The following SLC24A3 variants were observed in gnomAD, a reference collection of about 807,000 sequenced individuals.
The protein encoded by SLC24A3 is sodium/potassium/calcium exchanger 3.
A neutral mutation model predicts 75.8 loss-of-function variants in SLC24A3; 28 were observed. The ratio of observed to expected loss-of-function variants is 0.37; its 90% CI spans 0.27 to 0.51. SLC24A3 has a LOEUF of 0.51. Ranked by LOEUF, SLC24A3 falls within the 20% of genes least tolerant of loss-of-function variation. The pLI is 0.94. For missense variants in SLC24A3, 663 were observed against 847.8 expected (o/e 0.78, Z 2.71); for synonymous variants, 372 against 334.1 (o/e 1.11, Z -1.24).
intron 6 of SLC24A3, among the ~76,000 whole-genome samples, chr20:19,602,999 G>A (rs927037729): frequency 6.6e-6 from 1 of 152,206 alleles, no homozygotes; most frequent in Admixed American, 6.5e-5. Flanking sequence ...CGGTGCATGT[G>A]GAGTTAAGTC....
At chr20:19,429,318 A>G (rs1987063277) in intron 2 of SLC24A3, among the ~76,000 whole-genome samples, 1 of 152,232 alleles carries the variant, frequency 6.6e-6, no homozygotes, top group African/African-American at 2.4e-5. Flanking sequence ...TCATTTTTGT[A>G]TGCTCAACCT....
chr20:19,457,680 C>G (rs1987602500), intron 2 of SLC24A3, among the ~76,000 whole-genome samples: 1 of 152,138 alleles, frequency 6.6e-6, no homozygotes. Context: ...TCCTGACAGC[C>G]ACAAATCACT....
intron 1 of SLC24A3, among the ~76,000 whole-genome samples, chr20:19,271,330 A>T (rs1056275817): frequency 1.3e-5 from 2 of 151,978 alleles, no homozygotes; most frequent in African/African-American, 4.8e-5. Flanking sequence ...TAAAAAATAA[A>T]AAAAAAAAAA....
chr20:19,714,773 CTTCGAGAT>C (rs1568708967), intron 15 of SLC24A3, among the ~76,000 whole-genome samples: 1 of 152,214 alleles, frequency 6.6e-6, no homozygotes, highest in African/African-American at 2.4e-5. Context: ...CCACACTGTT[CTTCGAGAT>C]TTCATGTGAA....
chr20:19,616,597 G>A (rs1239334274), intron 6 of SLC24A3, among the ~76,000 whole-genome samples: 1 of 152,156 alleles, frequency 6.6e-6, no homozygotes, highest in Non-Finnish European at 1.5e-5. Flanking sequence ...CCAAACAGTA[G>A]GCACTTGGAC....
At chr20:19,519,505 G>A (rs984259201) in intron 3 of SLC24A3, among the ~76,000 whole-genome samples, 1 of 152,136 alleles carries the variant, frequency 6.6e-6, no homozygotes, top group African/African-American at 2.4e-5. Context: ...TTTAAAAAAG[G>A]TTTCTGTTCC....
intron 9 of SLC24A3, among the ~76,000 whole-genome samples, chr20:19,679,555 GA>G: frequency 1.5e-5 from 2 of 134,242 alleles, no homozygotes; most frequent in Admixed American, 1.5e-4. Context: ...GAGGGAGAGG[GA>G]GAGGGAGAGG....
intron 2 of SLC24A3, among the ~76,000 whole-genome samples, chr20:19,337,213 G>T (rs936453552): frequency 2.0e-5 from 3 of 152,196 alleles, no homozygotes; most frequent in African/African-American, 7.2e-5. Context: ...GGGAGGCTGA[G>T]GCGAGCGGAT....
At chr20:19,394,155 T>C (rs1473647574) in intron 2 of SLC24A3, among the ~76,000 whole-genome samples, 2 of 152,148 alleles carry the variant, frequency 1.3e-5, no homozygotes, top group Admixed American at 1.3e-4. Flanking sequence ...GATATCTACA[T>C]GCAAAAGGAT....
At chr20:19,450,612 G>C (rs950832946) in intron 2 of SLC24A3, among the ~76,000 whole-genome samples, 1 of 152,216 alleles carries the variant, frequency 6.6e-6, no homozygotes, top group Admixed American at 6.5e-5. Context: ...AGCTCATAGA[G>C]TGTTTTTGTG....
intron 2 of SLC24A3, among the ~76,000 whole-genome samples, chr20:19,307,764 T>TAAAATA (rs1278107230): frequency 6.6e-6 from 1 of 151,876 alleles, no homozygotes; most frequent in African/African-American, 2.4e-5. Flanking sequence ...GAACTTCAAG[T>TAAAATA]AAAATAAAAA....
At chr20:19,495,998 A>T (rs1013893093) in intron 2 of SLC24A3, among the ~76,000 whole-genome samples, 1 of 152,170 alleles carries the variant, frequency 6.6e-6, no homozygotes. Context: ...ACAGAAGAAC[A>T]TAGAAATGTC....
At chr20:19,348,215 T>C (rs1215867398) in intron 2 of SLC24A3, among the ~76,000 whole-genome samples, 2 of 152,224 alleles carry the variant, frequency 1.3e-5, no homozygotes, top group Non-Finnish European at 2.9e-5. Flanking sequence ...CAATTCTTTA[T>C]GGGCTGGCAA....
chr20:19,712,745 C>A (rs2033004719), intron 15 of SLC24A3, among the ~76,000 whole-genome samples: 1 of 152,088 alleles, frequency 6.6e-6, no homozygotes, highest in African/African-American at 2.4e-5. Context: ...TGGAAGTGGC[C>A]CAGATGTCCA....
intron 2 of SLC24A3, among the ~76,000 whole-genome samples, chr20:19,512,534 T>C (rs1001287595): frequency 6.6e-6 from 1 of 152,210 alleles, no homozygotes; most frequent in African/African-American, 2.4e-5. Flanking sequence ...ATATCTGCAG[T>C]TGCTTCATTC....
intron 16 of SLC24A3, among the ~76,000 whole-genome samples, chr20:19,720,270 G>C (rs1027283627): frequency 1.3e-5 from 2 of 152,214 alleles, no homozygotes; most frequent in African/African-American, 2.4e-5. Flanking sequence ...GCTGAGGCCA[G>C]ATGAAGGATG....
chr20:19,701,800 G>A (rs143646828), intron 15 of SLC24A3, among the ~76,000 whole-genome samples: 151 of 152,118 alleles, frequency 9.9e-4, no homozygotes, highest in African/African-American at 3.6e-3. Context: ...AGAAGACAAT[G>A]GCTAAAAAAC....
chr20:19,489,987 A>G (rs1988185161), intron 2 of SLC24A3, among the ~76,000 whole-genome samples: 2 of 152,116 alleles, frequency 1.3e-5, no homozygotes, highest in Admixed American at 6.5e-5. Flanking sequence ...GGGAGTGTGG[A>G]AAGTTTGTGT....
intron 6 of SLC24A3, among the ~76,000 whole-genome samples, chr20:19,601,911 G>T (rs145201515): frequency 0.014 from 2,070 of 152,272 alleles, 25 homozygotes; most frequent in Middle Eastern, 0.051. Flanking sequence ...GGTGGCTCAC[G>T]CCTGTAATCC....
Sources: allele counts gnomAD v4.1 joint callset (sites outside exome capture counted in the v4.1 genomes callset), GRCh38; gene constraint gnomAD v4.1.1; transcripts MANE v1.5; gene names NCBI Gene and HGNC (gene_info 2026-07-23, HGNC 2026-07-21).